Variants in ANXA13 observed in about 807,000 individuals in gnomAD.
ANXA13 encodes the protein annexin XIII.
A neutral mutation model predicts 46.6 loss-of-function variants in ANXA13; 36 were observed. The ratio of observed to expected loss-of-function variants is 0.77; its 90% CI spans 0.59 to 1.02. The LOEUF (loss-of-function observed/expected upper bound fraction) is 1.02. Ranked by LOEUF, ANXA13 falls within the 50% of genes least tolerant of loss-of-function variation. The pLI, the probability that ANXA13 is intolerant of heterozygous loss-of-function variation, is 0.00. For synonymous variants in ANXA13, 163 were observed against 152.9 expected, an observed-to-expected ratio of 1.07 and a Z score of -0.49; for missense variants, 417 against 396.5, an observed-to-expected ratio of 1.05 and a Z score of -0.44.
At chr8:123,693,501 A>C (rs1196521793) in intron 7 of ANXA13, among the ~76,000 whole-genome samples, 1 of 152,226 alleles carries the variant, frequency 6.6e-6, no homozygotes, top group Non-Finnish European at 1.5e-5. Flanking sequence ...GTTCCAAAAC[A>C]GATCTGATGT....
chr8:123,735,665 T>C, intron 1 of ANXA13: 1 of 1,390,390 alleles, frequency 7.2e-7, no homozygotes, highest in Non-Finnish European at 9.5e-7. Context: ...TGGTGGAGGG[T>C]CCAACATGAC....
At chr8:123,685,640 G>C (rs968947819) in intron 9 of ANXA13, among the ~76,000 whole-genome samples, 1 of 152,214 alleles carries the variant, frequency 6.6e-6, no homozygotes, top group East Asian at 1.9e-4. Context: ...TTGTCTAGGG[G>C]ACTGTCTGTG....
intron 1 of ANXA13, among the ~76,000 whole-genome samples, chr8:123,726,492 T>C (rs906052505): frequency 1.3e-5 from 2 of 152,186 alleles, no homozygotes; most frequent in African/African-American, 4.8e-5. Flanking sequence ...GGAGTCCAAG[T>C]GGGGTAGCCC....
intron 1 of ANXA13, among the ~76,000 whole-genome samples, chr8:123,731,253 T>C (rs1814111871): frequency 6.6e-6 from 1 of 152,148 alleles, no homozygotes; most frequent in Non-Finnish European, 1.5e-5. Context: ...TGCACTAGAA[T>C]ACCTGACGTT....
At chr8:123,699,600 T>C (rs571633510) in intron 3 of ANXA13, among the ~76,000 whole-genome samples, 31 of 152,344 alleles carry the variant, frequency 2.0e-4, no homozygotes, top group African/African-American at 7.5e-4. Flanking sequence ...ACAGGAGAAA[T>C]GGTCAAGGAT....
At chr8:123,731,166 C>A (rs1484273131) in intron 1 of ANXA13, among the ~76,000 whole-genome samples, 1 of 152,160 alleles carries the variant, frequency 6.6e-6, no homozygotes, top group Non-Finnish European at 1.5e-5. Context: ...TGGGGTGGGG[C>A]TCCAGAATTT....
rs199915067 is a variant in ANXA13 at position 123,684,613 on chromosome 8, G to A, written c.828C>T (p.Ala276=). Residue 276 remains alanine (A), a synonymous_variant, in exon 10 of 11, where the codon GCC becomes GCT. Coordinates refer to ENST00000419625, the MANE Select transcript of ANXA13 (RefSeq NM_004306.4). The part of the protein sequence containing the change: ...ETLIRIVVTR[A]EVDLQGIKAK... ...TTGGAGTCGGAGTGTGTCTTACCTC[G>A]GCCCTGGTCACGACTATGCGAATCA... 1.4e-5 allele frequency: 23 copies of A among 1,610,762 alleles called. No individual in the cohort carries two copies. In the African/African-American group the frequency reaches 1.5e-4, roughly 10 times the overall value.
chr8:123,694,712 C>G (rs761223372), intron 6 of ANXA13, among the ~76,000 whole-genome samples: 4 of 152,192 alleles, frequency 2.6e-5, no homozygotes, highest in Non-Finnish European at 4.4e-5. Flanking sequence ...TCAGCGAACC[C>G]AAATATTATT....
intron 1 of ANXA13, among the ~76,000 whole-genome samples, chr8:123,732,370 T>C (rs1454475299): frequency 6.6e-6 from 1 of 152,208 alleles, no homozygotes; most frequent in Non-Finnish European, 1.5e-5. Context: ...CAGCCCACAG[T>C]CTAGTAAGCA....
intron 1 of ANXA13, chr8:123,735,732 T>C (rs1563623014): frequency 6.2e-7 from 1 of 1,601,844 alleles, no homozygotes; most frequent in Admixed American, 1.7e-5. Context: ...ACCTATGATT[T>C]GGGGGGAAAA....
chr8:123,697,486 C>T (rs1322954480), intron 4 of ANXA13, among the ~76,000 whole-genome samples: 3 of 152,172 alleles, frequency 2.0e-5, no homozygotes, highest in Non-Finnish European at 4.4e-5. Flanking sequence ...AGGTTTGCAC[C>T]TGTAGCCTGG....
At chr8:123,732,818 C>A (rs1020405902) in intron 1 of ANXA13, among the ~76,000 whole-genome samples, 8 of 152,088 alleles carry the variant, frequency 5.3e-5, no homozygotes, top group Non-Finnish European at 8.8e-5. Flanking sequence ...CATCAAAGGC[C>A]CTTTTCACTT....
intron 6 of ANXA13, among the ~76,000 whole-genome samples, 175 bp from the exon 7 acceptor site, chr8:123,693,954 TA>T (rs1282636053): frequency 6.6e-6 from 1 of 151,478 alleles, no homozygotes; most frequent in African/African-American, 2.4e-5. Flanking sequence ...GCACAATGGA[TA>T]AACAGAGGAG....
intron 1 of ANXA13, among the ~76,000 whole-genome samples, chr8:123,712,992 G>A (rs562634698): frequency 6.6e-6 from 1 of 152,142 alleles, no homozygotes; most frequent in Non-Finnish European, 1.5e-5. Flanking sequence ...CTGTTCTCAA[G>A]GACAATCATC....
At position 123,737,320 on chromosome 8, in the gene ANXA13, A is replaced by G; in HGVS notation, c.15T>C (p.His5=). ...ATTCCCAAAGGCAATGAGTACTTAC[A>G]TGACGATTGCCCATTTTCCTTTTTC... The part of the protein sequence containing the change: MGNR[H]AKASSPQGFD... The change falls in exon 1 of 11, where the codon CAT becomes CAC. Residue 5 remains histidine, a splice_region_variant and synonymous_variant. Transcript: ENST00000419625. 1.2e-6 allele frequency: 2 copies of G among 1,611,520 alleles called. No homozygotes were observed. Among genetic ancestry groups the G allele is most frequent in the African/African-American group, 1.3e-5 (1 of 74,804 alleles).
intron 2 of ANXA13, among the ~76,000 whole-genome samples, chr8:123,711,165 A>G (rs1813650802): frequency 1.3e-5 from 2 of 152,148 alleles, no homozygotes; most frequent in South Asian, 2.1e-4. Flanking sequence ...CTCAAGCCCC[A>G]TACTCCATTG....
chr8:123,692,899 C>G (rs533375093), intron 8 of ANXA13, among the ~76,000 whole-genome samples: 19 of 152,048 alleles, frequency 1.2e-4, no homozygotes, highest in African/African-American at 4.6e-4. Flanking sequence ...GGTTTCCAGC[C>G]TGGGTACTGC....
chr8:123,726,773 A>AT (rs1814004606), intron 1 of ANXA13, among the ~76,000 whole-genome samples: 1 of 152,232 alleles, frequency 6.6e-6, no homozygotes, highest in Admixed American at 6.5e-5. Context: ...TAGCAGCACA[A>AT]TTTGCGATTG....
intron 1 of ANXA13, among the ~76,000 whole-genome samples, chr8:123,731,961 C>T (rs747318615): frequency 5.9e-5 from 9 of 152,038 alleles, no homozygotes; most frequent in Non-Finnish European, 1.2e-4. Context: ...ACTATGGAAG[C>T]CTTAAGGAAG....
Sources: allele counts gnomAD v4.1 joint callset (sites outside exome capture counted in the v4.1 genomes callset), GRCh38; gene constraint gnomAD v4.1.1; transcripts MANE v1.5; gene names NCBI Gene and HGNC (gene_info 2026-07-23, HGNC 2026-07-21).